Variants in MCC observed in about 807,000 individuals in gnomAD.
MCC encodes the protein colorectal mutant cancer protein.
Under a neutral mutation model 116.2 loss-of-function variants are expected in MCC, and 90 were observed. The observed-to-expected ratio is 0.77, with a 90% confidence interval of 0.65 to 0.92. The LOEUF (loss-of-function observed/expected upper bound fraction) is 0.92, where lower values mean the gene tolerates loss of function less well. Among genes scored for constraint, MCC ranks in the 40% least tolerant of loss-of-function variants. The pLI, the probability that MCC is intolerant of heterozygous loss-of-function variation, is 0.00. For synonymous variants in MCC, 578 were observed against 510.5 expected, an observed-to-expected ratio of 1.13 and a Z score of -1.78; for missense variants, 1,516 against 1,312.2, an observed-to-expected ratio of 1.16 and a Z score of -2.40.
In MCC at chr5:113,265,039, A is replaced by G. The variant is rs76905821; in HGVS notation, c.627+75480T>C. Among the ~76,000 whole-genome samples, 103 of 151,580 alleles carry G rather than the reference A, an allele frequency of 6.8e-4. No homozygotes were observed. The East Asian group carries it at 0.014, about 20-fold the overall frequency. On this transcript the variant is annotated intron_variant, in intron 3 of 18. Coordinates refer to ENST00000408903, the MANE Select transcript of MCC (RefSeq NM_001085377.2). ...CTGGAGGCAGAGCAAGACTGTCTCAAAAAAAAAAGTTGCACTGGAACACAG... is the reference window on the plus strand; with the variant it reads ...CTGGAGGCAGAGCAAGACTGTCTCAGAAAAAAAAGTTGCACTGGAACACAG...
At chr5:113,335,289 A>G (rs1186286770) in intron 3 of MCC, among the ~76,000 whole-genome samples, 2 of 151,768 alleles carry the variant, frequency 1.3e-5, no homozygotes, top group African/African-American at 4.9e-5. Context: ...ACAAATGATT[A>G]CTTTTACTTC....
intron 1 of MCC, among the ~76,000 whole-genome samples, chr5:113,386,648 C>T (rs541205111): frequency 6.6e-6 from 1 of 152,134 alleles, no homozygotes; most frequent in South Asian, 2.1e-4. Flanking sequence ...TAGCTCATCA[C>T]CCTGCTTCCA....
intron 1 of MCC, among the ~76,000 whole-genome samples, chr5:113,396,743 A>G (rs1769535458): frequency 1.3e-5 from 2 of 152,190 alleles, no homozygotes; most frequent in South Asian, 4.1e-4. Flanking sequence ...AAGGATGGAG[A>G]ATTTTGTCTA....
intron 16 of MCC, among the ~76,000 whole-genome samples, chr5:113,046,477 C>T (rs1011272379): frequency 6.6e-6 from 1 of 151,952 alleles, no homozygotes; most frequent in Non-Finnish European, 1.5e-5. Flanking sequence ...TAGGTATCAG[C>T]CACCACGTCC....
chr5:113,167,702 C>A (rs1011391700), intron 3 of MCC, among the ~76,000 whole-genome samples: 2 of 152,140 alleles, frequency 1.3e-5, no homozygotes, highest in African/African-American at 4.8e-5. Flanking sequence ...ATCATCAAGG[C>A]TCACTGCAGC....
chr5:113,415,200 T>C (rs910725955), intron 1 of MCC, among the ~76,000 whole-genome samples: 1 of 152,194 alleles, frequency 6.6e-6, no homozygotes, highest in Non-Finnish European at 1.5e-5. Context: ...GCCCTTAACA[T>C]TTTTTCCTTC....
chr5:113,170,018 A>G (rs1357005382), intron 3 of MCC, among the ~76,000 whole-genome samples: 1 of 152,212 alleles, frequency 6.6e-6, no homozygotes, highest in Non-Finnish European at 1.5e-5. Context: ...TACCTCAGCT[A>G]CAGCTACTAT....
chr5:113,464,118 GAA>G (rs775527148), intron 1 of MCC, among the ~76,000 whole-genome samples: 10 of 151,852 alleles, frequency 6.6e-5, no homozygotes, highest in African/African-American at 9.7e-5. Flanking sequence ...TTGATTCAAT[GAA>G]GTGACAATAG....
chr5:113,401,697 C>T (rs554970710), intron 1 of MCC, among the ~76,000 whole-genome samples: 2 of 152,038 alleles, frequency 1.3e-5, no homozygotes, highest in Admixed American at 1.3e-4. Context: ...CTTACCTTGG[C>T]CTGGACAGAA....
intron 3 of MCC, among the ~76,000 whole-genome samples, chr5:113,263,097 G>C (rs962823548): frequency 6.6e-6 from 1 of 152,186 alleles, no homozygotes; most frequent in Admixed American, 6.5e-5. Flanking sequence ...AAAGTCCTCA[G>C]TCCTCTACCT....
intron 3 of MCC, among the ~76,000 whole-genome samples, chr5:113,180,360 G>C (rs1761559065): frequency 6.6e-6 from 1 of 152,088 alleles, no homozygotes; most frequent in African/African-American, 2.4e-5. Context: ...AAACAAATAT[G>C]GCATGACTCA....
In MCC at chr5:113,215,292, G is replaced by A. The variant is rs1763271510; in HGVS notation, c.628-63870C>T. Among the ~76,000 whole-genome samples the A allele has an allele frequency of 2.0e-5, 3 of 152,178 alleles. No individual in the cohort carries two copies. In the South Asian group the frequency reaches 6.2e-4, roughly 32 times the overall value. ...ACTTCAGACAACTTGGTGGGGGGAGGAAAGGGAGATTAGAATGGAACCTTA... is the reference window on the plus strand; with the variant it reads ...ACTTCAGACAACTTGGTGGGGGGAGAAAAGGGAGATTAGAATGGAACCTTA... On this transcript the variant is annotated intron_variant, in intron 3 of 18. Coordinates refer to ENST00000408903, the MANE Select transcript of MCC (RefSeq NM_001085377.2).
chr5:113,333,326 G>A (rs932439947), intron 3 of MCC, among the ~76,000 whole-genome samples: 1 of 151,660 alleles, frequency 6.6e-6, no homozygotes, highest in Non-Finnish European at 1.5e-5. Context: ...TATAGCAAAT[G>A]AGCATGATAA....
intron 17 of MCC, among the ~76,000 whole-genome samples, chr5:113,029,568 C>G (rs529092897): frequency 2.0e-5 from 3 of 152,234 alleles, no homozygotes; most frequent in Non-Finnish European, 2.9e-5. Context: ...ATACTCTCTT[C>G]ATTGTAAGGG....
Position 113,027,449 on chromosome 5 carries a change from T to C in MCC, c.2913A>G (p.Lys971=). ...NLVAAYEKAK[K]KHQNKLKKLE... ...ACTTCTTCAGTTTGTTTTGATGCTT[T>C]TTCTTTGCTTTCTCATAGGCAGCCA... The change falls in exon 19 of 19, where the codon AAA becomes AAG. Residue 971 remains lysine, a synonymous_variant. Coordinates refer to ENST00000408903, the MANE Select transcript of MCC (RefSeq NM_001085377.2). 1 of 1,614,202 alleles carries C rather than the reference T, an allele frequency of 6.2e-7. No homozygotes were observed. The highest frequency in any genetic ancestry group is 8.5e-7 in the Non-Finnish European group (1 of 1,180,032).
intron 3 of MCC, among the ~76,000 whole-genome samples, chr5:113,174,224 A>G (rs141748984): frequency 1.8e-4 from 27 of 152,240 alleles, no homozygotes; most frequent in African/African-American, 5.5e-4. Context: ...CCTAGGTAAA[A>G]AAGACCTGAA....
chr5:113,201,419 A>C (rs1762676210), intron 3 of MCC, among the ~76,000 whole-genome samples: 1 of 150,310 alleles, frequency 6.7e-6, no homozygotes, highest in African/African-American at 2.4e-5. Flanking sequence ...AGAAGAAACT[A>C]CTGGCCCACA....
intron 3 of MCC, among the ~76,000 whole-genome samples, chr5:113,174,583 T>A (rs1429216538): frequency 6.6e-6 from 1 of 152,028 alleles, no homozygotes; most frequent in African/African-American, 2.4e-5. Flanking sequence ...ACCCACGACA[T>A]ATAGTTAAAA....
chr5:113,138,386 T>G (rs1581139804), intron 5 of MCC, among the ~76,000 whole-genome samples: 1 of 152,048 alleles, frequency 6.6e-6, no homozygotes, highest in Admixed American at 6.5e-5. Context: ...GGGAGGTAAT[T>G]AGGTTTAGAT....
Sources: gnomAD v4.1 joint callset for allele counts (sites outside exome capture counted in the v4.1 genomes callset) on GRCh38, gnomAD v4.1.1 for gene constraint, MANE v1.5 for transcripts, NCBI Gene and HGNC (gene_info 2026-07-23, HGNC 2026-07-21) for gene names.